Variants in CCNE2 observed in about 807,000 individuals in gnomAD.
CCNE2 encodes G1/S-specific cyclin-E2.
A neutral mutation model predicts 56.8 loss-of-function variants in CCNE2; 18 were observed. That is an observed-to-expected ratio of 0.32 (90% CI 0.22 to 0.47). The LOEUF (loss-of-function observed/expected upper bound fraction) is 0.47, where lower values mean the gene tolerates loss of function less well. CCNE2 is among the 20% of genes least tolerant of loss of function. CCNE2 has a pLI of 1.00. For synonymous variants in CCNE2, 139 were observed against 149.2 expected (o/e 0.93, Z 0.50); for missense variants, 371 against 467.1 (o/e 0.79, Z 1.90).
intron 11 of CCNE2, 96 bp downstream of exon 11, chr8:94,882,036 C>T: frequency 8.1e-7 from 1 of 1,232,486 alleles, no homozygotes; most frequent in Non-Finnish European, 1.1e-6. Flanking sequence ...TTTCTTTCCC[C>T]TGAAACTGCC....
Position 94,880,231 on chromosome 8 carries a change from T to C in CCNE2, c.*1401A>G. 6.4e-7 allele frequency: 1 copy of C among 1,562,968 alleles called. No individual in the cohort carries two copies. On this transcript the variant is annotated 3_prime_UTR_variant, in exon 12 of 12. Coordinates refer to ENST00000308108, the MANE Select transcript of CCNE2 (RefSeq NM_057749.3). ...TCCAAGCAATGGCAAAACTTTACTTTTAAGCAGTTAAATTTTTTTAACTTT... is the reference window on the plus strand; with the variant it reads ...TCCAAGCAATGGCAAAACTTTACTTCTAAGCAGTTAAATTTTTTTAACTTT...
At chr8:94,894,302 A>C in intron 1 of CCNE2, 55 bp from the exon 2 acceptor site, 34 of 1,562,772 alleles carry the variant, frequency 2.2e-5, no homozygotes, top group Non-Finnish European at 2.7e-5. Context: ...CACATTCTCC[A>C]AGTGCCAGTA....
upstream of CCNE2, among the ~76,000 whole-genome samples, chr8:94,896,160 G>C (rs2131139843): frequency 6.6e-6 from 1 of 152,076 alleles, no homozygotes; most frequent in Admixed American, 6.5e-5. Flanking sequence ...AGCGGGGCCC[G>C]GGAACGGCAT....
In CCNE2 at chr8:94,880,320, G is replaced by T. The variant is rs535959057; in HGVS notation, c.*1312C>A. The T allele has an allele frequency of 1.3e-5, 9 of 667,506 alleles. No individual in the cohort carries two copies. In the East Asian group the frequency reaches 1.4e-4, roughly 10 times the overall value. The allele number at this position is 667,506 out of a possible 1,614,324, so 41.3% of individuals were successfully genotyped here. A position where few individuals can be genotyped will look rare whatever the true frequency, so the allele number is the denominator to read the frequency against. On this transcript the variant is annotated 3_prime_UTR_variant, in exon 12 of 12. Transcript: ENST00000308108. ...AAGGTTAAGTTTATATAATACATATGTACACAATTAGTGGTGTTTTCTTTT... is the reference window on the plus strand; with the variant it reads ...AAGGTTAAGTTTATATAATACATATTTACACAATTAGTGGTGTTTTCTTTT...
intron 9 of CCNE2, chr8:94,883,942 A>G (rs1816930779): frequency 2.2e-6 from 1 of 456,120 alleles, no homozygotes; most frequent in African/African-American, 2.0e-5. Context: ...GAAGTGAAAT[A>G]TTACTGTTAT....
intron 6 of CCNE2, among the ~76,000 whole-genome samples, chr8:94,889,100 A>G (rs558680154): frequency 4.6e-5 from 7 of 151,932 alleles, no homozygotes; most frequent in African/African-American, 1.7e-4. Flanking sequence ...GTGAGCTGAG[A>G]TCGTGCCATT....
In CCNE2 at chr8:94,888,073, C is replaced by T. The variant is rs543117598; in HGVS notation, c.454G>A (p.Val152Ile). The change falls in exon 7 of 12, where the codon GTA (valine) becomes ATA (isoleucine). Residue 152 changes from valine (V) to isoleucine (I), a missense_variant and splice_region_variant. By Grantham distance (29) the Val-to-Ile change is conservative. Transcript: ENST00000308108. ...CTATGAAGTGTGTATACTTCACATA[C>T]CTAGAGAAGAATCCAAACATTTAAA... ...RSILLDWLLEVCEVYTLHRET... is the reference protein window; with the variant it reads ...RSILLDWLLEICEVYTLHRET... The T allele has an allele frequency of 1.3e-6, 2 of 1,532,088 alleles. No homozygotes were observed. Among genetic ancestry groups the T allele is most frequent in the Admixed American group, 4.6e-5 (2 of 43,368 alleles). 94.9% of individuals were successfully genotyped at this position (1,532,088 alleles called of 1,614,324 possible).
intron 6 of CCNE2, among the ~76,000 whole-genome samples, chr8:94,888,822 G>A (rs969744302): frequency 3.3e-5 from 5 of 152,120 alleles, no homozygotes; most frequent in South Asian, 4.1e-4. Flanking sequence ...CATCACACCT[G>A]GCCACATGAG....
At chr8:94,895,351 C>T, upstream of CCNE2, 3 of 710,986 alleles carry the variant, frequency 4.2e-6, no homozygotes, top group African/African-American at 1.9e-5. Context: ...CAGTGCGCGC[C>T]CGCCACCCGG....
intron 4 of CCNE2, among the ~76,000 whole-genome samples, chr8:94,893,227 A>G (rs1374728385): frequency 1.3e-5 from 2 of 152,224 alleles, no homozygotes; most frequent in Non-Finnish European, 2.9e-5. Flanking sequence ...GAAGAAGGAC[A>G]GTAATAACAA....
At position 94,881,730 on chromosome 8, in the gene CCNE2, T is replaced by C. The variant is rs755345802; in HGVS notation, c.1117A>G (p.Ile373Val). The change falls in exon 12 of 12, where the codon ATA (isoleucine) becomes GTA (valine). Residue 373 changes from isoleucine (I) to valine (V), a missense_variant. Transcript: ENST00000308108. The part of the protein sequence containing the change: ...YLAMLEEVNY[I>V]NTFRKGGQLS... ...TGTCCCCCTTTTCTGAAGGTGTTTA[T>C]GTAATTTACTTCCTCCTATACATGG... 10 of 1,613,800 alleles carry C rather than the reference T, an allele frequency of 6.2e-6. No individual in the cohort carries two copies. In the African/African-American group the frequency reaches 6.7e-5, roughly 11 times the overall value.
chr8:94,882,860 T>C lies in CCNE2; in HGVS notation c.864A>G (p.Ser288=). 6.2e-7 allele frequency: 1 copy of C among 1,613,402 alleles called. No individual in the cohort carries two copies. The highest frequency in any genetic ancestry group is 8.5e-7 in the Non-Finnish European group (1 of 1,179,506). The change falls in exon 10 of 12, where the codon TCA becomes TCG. Residue 288 remains serine, a synonymous_variant. Transcript: ENST00000308108. ...TCAGTATTCTGTACTGGAACTCTAA[T>C]GAATCAATGGCTAGAATACACAGAT... ...LLDLCILAID[S]LEFQYRILTA...
chr8:94,890,923 T>C (rs1817217677), intron 5 of CCNE2, among the ~76,000 whole-genome samples: 1 of 152,178 alleles, frequency 6.6e-6, no homozygotes, highest in African/African-American at 2.4e-5. Flanking sequence ...GTGCAATCCA[T>C]GTAATATACA....
At chr8:94,882,667 ATT>A in intron 10 of CCNE2, 112 bp downstream of exon 10, 8 of 664,448 alleles carry the variant, frequency 1.2e-5, no homozygotes, top group East Asian at 2.8e-5. Flanking sequence ...TGAACAGCTA[ATT>A]TTTTTTTTGC....
chr8:94,885,041 C>T, intron 9 of CCNE2, 26 bp downstream of exon 9: 1 of 1,601,260 alleles, frequency 6.2e-7, no homozygotes, highest in Non-Finnish European at 8.5e-7. Flanking sequence ...ATAACATTAC[C>T]ATTGAATCAA....
intron 5 of CCNE2, 48 bp from the exon 6 acceptor site, chr8:94,890,598 T>A (rs758850396): frequency 0.013 from 7,135 of 542,784 alleles, 201 homozygotes; most frequent in African/African-American, 0.11. Context: ...TATATTTTTT[T>A]TTTTTTTTTT....
At chr8:94,884,979 ATT>A (rs1396710651) in intron 9 of CCNE2, 86 bp downstream of exon 9, 2 of 1,172,444 alleles carry the variant, frequency 1.7e-6, no homozygotes, top group Non-Finnish European at 1.2e-6. Context: ...TCAATATGTC[ATT>A]TTGTGGTATA....
Position 94,890,523 on chromosome 8 carries a change from T to TA in CCNE2, c.344dup (p.Asn116LysfsTer12), listed in dbSNP as rs1234354250. 6 of 1,575,770 alleles carry TA rather than the reference T, an allele frequency of 3.8e-6. No homozygotes were observed. Among genetic ancestry groups the TA allele is most frequent in the Non-Finnish European group, 5.2e-6 (6 of 1,156,856 alleles). On this transcript the variant is annotated frameshift_variant, in exon 6 of 12. Coordinates refer to ENST00000308108, the MANE Select transcript of CCNE2 (RefSeq NM_057749.3). LOFTEE classifies it high-confidence loss of function. The stretch of plus-strand genomic sequence containing the variant: ...ATCTGCTCTCCTTTTTTAACATGTT[T>TA]AGCCAGACTTCTTTTGAACATCCCC...
intron 7 of CCNE2, among the ~76,000 whole-genome samples, chr8:94,886,976 C>G (rs1817062118): frequency 1.3e-5 from 2 of 152,006 alleles, no homozygotes; most frequent in South Asian, 4.2e-4. Flanking sequence ...CCAAATTCAG[C>G]AGAATTTGGG....
Sources: allele counts gnomAD v4.1 joint callset (sites outside exome capture counted in the v4.1 genomes callset), GRCh38; gene constraint gnomAD v4.1.1; transcripts MANE v1.5; gene names NCBI Gene and HGNC (gene_info 2026-07-23, HGNC 2026-07-21).